PPP2R5A: variants seen among roughly 807,000 people sequenced by gnomAD.
PPP2R5A encodes the protein protein phosphatase 2 regulatory subunit B'alpha.
Under a neutral mutation model 64.2 loss-of-function variants are expected in PPP2R5A, and 25 were observed. That is an observed-to-expected ratio of 0.39 (90% CI 0.28 to 0.54). The LOEUF is 0.54. Among genes scored for constraint, PPP2R5A ranks in the 20% least tolerant of loss-of-function variants. The pLI, the probability that PPP2R5A is intolerant of heterozygous loss-of-function variation, is 0.67. For missense variants in PPP2R5A, 425 were observed against 576.3 expected, an observed-to-expected ratio of 0.74 and a Z score of 2.69; for synonymous variants, 198 against 201.2, an observed-to-expected ratio of 0.98 and a Z score of 0.13.
Position 212,356,933 on chromosome 1 carries a change from AAATT to A in PPP2R5A, c.979-16_979-13del. ...ATAATTTATCATGTTTCTTAAAATA[AAATT>A]TTTTTAACCTAGGTGATGTTTTTAG... On this transcript the variant is annotated splice_polypyrimidine_tract_variant and intron_variant, in intron 9 of 12. Coordinates refer to ENST00000261461, the MANE Select transcript of PPP2R5A (RefSeq NM_006243.4). The A allele has an allele frequency of 1.3e-6, 2 of 1,500,174 alleles. No homozygotes were observed. The highest frequency in any genetic ancestry group is 1.8e-6 in the Non-Finnish European group (2 of 1,106,206). The allele number at this position is 1,500,174 out of a possible 1,614,324, so 92.9% of individuals were successfully genotyped here. A position where few individuals can be genotyped will look rare whatever the true frequency, so the allele number is the denominator to read the frequency against.
rs140143936 is a variant in PPP2R5A, at chr1:212,286,128, G to C, written c.18G>C (p.Pro6=). ...CCGCGGAGATGTCGTCGTCGTCGCC[G>C]CCGGCGGGGGCTGCCAGCGCCGCCA... MSSSS[P]PAGAASAAIS... is the part of the protein sequence containing the mutation. Residue 6 remains proline, a synonymous_variant, in exon 1 of 13, where the codon CCG becomes CCC. Transcript: ENST00000261461. 0.012 allele frequency: 18,182 copies of C among 1,579,500 alleles called. 132 individuals are homozygous for C. Among genetic ancestry groups the C allele is most frequent in the Non-Finnish European group, 0.013 (15,590 of 1,165,974 alleles).
At chr1:212,321,633 G>A (rs562064731) in intron 1 of PPP2R5A, among the ~76,000 whole-genome samples, 1 of 140,240 alleles carries the variant, frequency 7.1e-6, no homozygotes, top group South Asian at 2.1e-4. Flanking sequence ...GACGATGGGC[G>A]GCCTGGCAGA....
At chr1:212,308,531 C>T (rs765178817) in intron 1 of PPP2R5A, among the ~76,000 whole-genome samples, 4 of 151,744 alleles carry the variant, frequency 2.6e-5, no homozygotes, top group Non-Finnish European at 5.9e-5. Flanking sequence ...GCCTCACCCT[C>T]TTGAGTAGTT....
chr1:212,356,507 A>G (rs1558156390), intron 8 of PPP2R5A, 119 bp from the exon 9 acceptor site: 1 of 888,680 alleles, frequency 1.1e-6, no homozygotes, highest in East Asian at 2.8e-5. Context: ...TTATACACAT[A>G]TATTAAGCAA....
chr1:212,309,511 G>A (rs1243784173), intron 1 of PPP2R5A: 6 of 758,254 alleles, frequency 7.9e-6, no homozygotes, highest in Admixed American at 5.5e-5. Context: ...CTTCGCTTTC[G>A]GCGCCATCTT....
In PPP2R5A at chr1:212,351,103, A is replaced by AC. The variant is rs201143624; in HGVS notation, c.927+1861_927+1862insC. Among the ~76,000 whole-genome samples, 248 of 81,146 alleles carry AC rather than the reference A, an allele frequency of 3.1e-3. 5 individuals are homozygous for AC. The highest frequency in any genetic ancestry group is 5.1e-3 in the East Asian group (8 of 1,572). 53.2% of individuals were successfully genotyped at this position (81,146 alleles called of 152,430 possible). A position where few individuals can be genotyped will look rare whatever the true frequency, so the allele number is the denominator to read the frequency against. ...AGGTTACAGTGAGCCGAGATGACAC[A>AC]AAAAAAAAAACAAAAAAACAAAAAA... On this transcript the variant is annotated intron_variant, in intron 8 of 12. Transcript: ENST00000261461.
At chr1:212,300,141 G>T (rs1293471378) in intron 1 of PPP2R5A, among the ~76,000 whole-genome samples, 1 of 152,122 alleles carries the variant, frequency 6.6e-6, no homozygotes, top group Non-Finnish European at 1.5e-5. Flanking sequence ...TATTCATATA[G>T]GAAAGGTAAA....
intron 1 of PPP2R5A, among the ~76,000 whole-genome samples, chr1:212,293,881 G>A (rs1658646839): frequency 6.6e-6 from 1 of 152,084 alleles, no homozygotes; most frequent in Non-Finnish European, 1.5e-5. Context: ...TTTAGCCTCT[G>A]TTGGGAATTG....
intron 1 of PPP2R5A, among the ~76,000 whole-genome samples, chr1:212,308,380 T>C (rs116582450): frequency 0.15 from 23,060 of 151,248 alleles, 2,421 homozygotes; most frequent in East Asian, 0.36. Flanking sequence ...TGTGTTAGGT[T>C]TATGTTACTC....
intron 1 of PPP2R5A, chr1:212,301,806 A>G: frequency 7.8e-6 from 9 of 1,153,056 alleles, no homozygotes; most frequent in Middle Eastern, 3.7e-4. Flanking sequence ...CTGGGTTGCT[A>G]TGATACAGTG....
chr1:212,295,486 G>C (rs1658676851), intron 1 of PPP2R5A, among the ~76,000 whole-genome samples: 1 of 152,242 alleles, frequency 6.6e-6, no homozygotes, highest in Non-Finnish European at 1.5e-5. Flanking sequence ...GAGATAATTT[G>C]AGAGTCTTTG....
intron 3 of PPP2R5A, among the ~76,000 whole-genome samples, chr1:212,339,424 G>A (rs932112870): frequency 1.3e-5 from 2 of 152,060 alleles, no homozygotes; most frequent in Non-Finnish European, 2.9e-5. Flanking sequence ...TGATCCACCC[G>A]CCTCAGGCTC....
chr1:212,301,707 C>CA (rs1658802177), intron 1 of PPP2R5A: 4 of 624,796 alleles, frequency 6.4e-6, no homozygotes, highest in South Asian at 7.0e-5. Flanking sequence ...GGGGTATTGC[C>CA]AAAAAAAGCT....
chr1:212,348,788 G>A (rs2102444841), intron 7 of PPP2R5A, among the ~76,000 whole-genome samples: 1 of 152,250 alleles, frequency 6.6e-6, no homozygotes, highest in African/African-American at 2.4e-5. Flanking sequence ...TCTACAGAAT[G>A]TTTCTTCCAG....
chr1:212,352,995 T>G (rs763557308), intron 8 of PPP2R5A: 8 of 514,898 alleles, frequency 1.6e-5, no homozygotes, highest in Non-Finnish European at 3.1e-5. Context: ...TTAGTTGCTG[T>G]GAATCCAGAA....
intron 1 of PPP2R5A, among the ~76,000 whole-genome samples, chr1:212,325,278 C>G (rs1056218444): frequency 6.6e-6 from 1 of 152,106 alleles, no homozygotes; most frequent in Non-Finnish European, 1.5e-5. Context: ...ATCATTGTAT[C>G]CTGACCTACC....
At chr1:212,340,530 C>G (rs1162167361) in intron 3 of PPP2R5A, among the ~76,000 whole-genome samples, 1 of 152,176 alleles carries the variant, frequency 6.6e-6, no homozygotes, top group African/African-American at 2.4e-5. Context: ...GCTCTGTGAT[C>G]AGTTTTGTAT....
intron 4 of PPP2R5A, among the ~76,000 whole-genome samples, chr1:212,343,882 A>G (rs1038060136): frequency 6.6e-6 from 1 of 152,168 alleles, no homozygotes; most frequent in Non-Finnish European, 1.5e-5. Flanking sequence ...TTGTGGTGTG[A>G]GGGGAGCAAA....
intron 1 of PPP2R5A, among the ~76,000 whole-genome samples, chr1:212,314,684 A>G (rs1270734824): frequency 6.6e-6 from 1 of 151,152 alleles, no homozygotes; most frequent in Non-Finnish European, 1.5e-5. Flanking sequence ...CAGTCTCCTG[A>G]GTAGCTGGGA....
Sources: gnomAD v4.1 joint callset for allele counts (sites outside exome capture counted in the v4.1 genomes callset) on GRCh38, gnomAD v4.1.1 for gene constraint, MANE v1.5 for transcripts, NCBI Gene and HGNC (gene_info 2026-07-23, HGNC 2026-07-21) for gene names.